The following FUCA1 variants were observed in gnomAD, a reference collection of about 807,000 sequenced individuals.
FUCA1 encodes tissue alpha-L-fucosidase.
In FUCA1, 52 loss-of-function variants were observed where a neutral mutation model predicts 56.8. That is an observed-to-expected ratio of 0.92 (90% CI 0.73 to 1.15). The LOEUF is 1.15. Among genes scored for constraint, FUCA1 ranks in the 50% most tolerant of loss-of-function variants. The pLI is 0.00. For synonymous variants in FUCA1, 230 were observed against 226.6 expected (o/e 1.02, Z -0.14); for missense variants, 568 against 592.6 (o/e 0.96, Z 0.43).
chr1:23,845,947 C>T (rs1639130345), intron 7 of FUCA1, 92 bp from the exon 8 acceptor site: 7 of 1,559,080 alleles, frequency 4.5e-6, no homozygotes, highest in African/African-American at 1.4e-5. Flanking sequence ...CCACGCTGGG[C>T]CAGGGCAGGA....
At position 23,868,190 on chromosome 1, in the gene FUCA1, GCTGGGC is replaced by G; in HGVS notation, c.91_96del (p.Ala31_Gln32del). Reference sequence around the variant, plus strand: ...CAGTCTGGGGTGTAGCGGCGCGGAGGCTGGGCCCGACGCACCGACTCGGCCGCTCCG... The same window carrying G: ...CAGTCTGGGGTGTAGCGGCGCGGAGGCCGACGCACCGACTCGGCCGCTCCG... On this transcript the variant is annotated inframe_deletion, in exon 1 of 8. Coordinates refer to ENST00000374479, the MANE Select transcript of FUCA1 (RefSeq NM_000147.5). 1 of 1,602,252 alleles carries G rather than the reference GCTGGGC, an allele frequency of 6.2e-7. No homozygotes were observed.
chr1:23,860,399 C>T (rs887656961), intron 3 of FUCA1, among the ~76,000 whole-genome samples: 7 of 151,808 alleles, frequency 4.6e-5, no homozygotes, highest in East Asian at 3.9e-4. Flanking sequence ...CTGGGTAACA[C>T]GGTGAAACCC....
rs1327763535 is a variant in FUCA1 at position 23,867,009 on chromosome 1, G to A, written c.389+889C>T. ...CAAAGTTCAAGAGAAACGAAAACCC[G>A]GAAGATGGCTGAGGAACCAAGGTAA... On this transcript the variant is annotated intron_variant, in intron 1 of 7. Coordinates refer to ENST00000374479, the MANE Select transcript of FUCA1 (RefSeq NM_000147.5). The surrounding 1 kb of genome is among the most constrained non-coding windows in gnomAD (Gnocchi z 4.9). Among the ~76,000 whole-genome samples the A allele has an allele frequency of 2.6e-5, 4 of 152,104 alleles. No individual in the cohort carries two copies. The highest frequency in any genetic ancestry group is 4.8e-5 in the African/African-American group (2 of 41,436).
At chr1:23,851,550 T>C (rs1639259351) in intron 5 of FUCA1, among the ~76,000 whole-genome samples, 1 of 150,806 alleles carries the variant, frequency 6.6e-6, no homozygotes, top group Non-Finnish European at 1.5e-5. Context: ...TGCACTTCTA[T>C]CCAGAGTACT....
chr1:23,845,537 G>T lies in FUCA1; in HGVS notation c.*178C>A. 1.4e-6 allele frequency: 1 copy of T among 700,368 alleles called. No individual in the cohort carries two copies. Among genetic ancestry groups the T allele is most frequent in the East Asian group, 2.6e-5 (1 of 38,018 alleles). The allele number at this position is 700,368 out of a possible 1,614,324, so 43.4% of individuals were successfully genotyped here. A position where few individuals can be genotyped will look rare whatever the true frequency, so the allele number is the denominator to read the frequency against. On this transcript the variant is annotated 3_prime_UTR_variant, in exon 8 of 8. Coordinates refer to ENST00000374479, the MANE Select transcript of FUCA1 (RefSeq NM_000147.5). ...ACAGATATAATCACAATGGATCTCAGATCTTTGGTCCATTTAGACATCAGG... is the reference window on the plus strand; with the variant it reads ...ACAGATATAATCACAATGGATCTCATATCTTTGGTCCATTTAGACATCAGG...
chr1:23,850,452 T>C (rs1639232260), intron 5 of FUCA1, among the ~76,000 whole-genome samples: 1 of 151,870 alleles, frequency 6.6e-6, no homozygotes. Flanking sequence ...GTTGTAATAA[T>C]ATGTAACTTA....
chr1:23,853,036 C>T (rs1479572292), intron 5 of FUCA1, among the ~76,000 whole-genome samples: 9 of 145,336 alleles, frequency 6.2e-5, no homozygotes, highest in East Asian at 2.1e-4. Context: ...GTGAGGAGCA[C>T]CTCTTCCCGG....
chr1:23,865,798 T>C (rs570997789), intron 1 of FUCA1, among the ~76,000 whole-genome samples, 173 bp from the exon 2 acceptor site: 8 of 152,258 alleles, frequency 5.3e-5, no homozygotes, highest in Non-Finnish European at 8.8e-5. Flanking sequence ...CAATTCCCCT[T>C]GGGCATTGCT....
intron 4 of FUCA1, among the ~76,000 whole-genome samples, chr1:23,859,341 C>T (rs897036889): frequency 3.9e-5 from 6 of 151,946 alleles, no homozygotes; most frequent in African/African-American, 1.5e-4. Context: ...CCAAGGTGAG[C>T]GGATCACCAG....
chr1:23,847,182 T>C (rs1443021858), intron 6 of FUCA1, among the ~76,000 whole-genome samples: 3 of 152,200 alleles, frequency 2.0e-5, no homozygotes, highest in African/African-American at 7.2e-5. Context: ...TTGGGTTAAG[T>C]TGTCTTTAAA....
chr1:23,854,951 G>A (rs937261452), intron 4 of FUCA1, among the ~76,000 whole-genome samples: 2 of 152,140 alleles, frequency 1.3e-5, no homozygotes, highest in Admixed American at 6.5e-5. Flanking sequence ...TATAAGAGGA[G>A]AAATGAACAG....
At chr1:23,855,568 G>T (rs772412892) in intron 4 of FUCA1, among the ~76,000 whole-genome samples, 7 of 152,200 alleles carry the variant, frequency 4.6e-5, no homozygotes, top group Non-Finnish European at 1.0e-4. Flanking sequence ...TTTATTAAAA[G>T]TTTAAAATTC....
Position 23,854,416 on chromosome 1 carries a change from C to T in FUCA1, c.913G>A (p.Gly305Ser), listed in dbSNP as rs771601927. The T allele has an allele frequency of 1.2e-6, 2 of 1,614,098 alleles. No homozygotes were observed. Among genetic ancestry groups the T allele is most frequent in the Non-Finnish European group, 8.5e-7 (1 of 1,180,012 alleles). The change falls in exon 5 of 8, where the codon GGC becomes AGC. Residue 305 changes from glycine to serine, a missense_variant. Physicochemically the swap from Gly to Ser is moderately conservative, Grantham distance 56. Coordinates refer to ENST00000374479, the MANE Select transcript of FUCA1 (RefSeq NM_000147.5). ...MCTSIDKFSW[G>S]YRRDMALSDV... is the part of the protein sequence containing the mutation. Reference sequence around the variant, plus strand: ...GACAATGCCATGTCACGACGATAGCCCCAGGAAAACTTGTCAATGCTGGTG... The same window carrying T: ...GACAATGCCATGTCACGACGATAGCTCCAGGAAAACTTGTCAATGCTGGTG...
chr1:23,845,905 A>G (rs1213669791), intron 7 of FUCA1, 50 bp from the exon 8 acceptor site: 1 of 1,609,954 alleles, frequency 6.2e-7, no homozygotes, highest in Non-Finnish European at 8.5e-7. Context: ...ACTAATGAGT[A>G]TAGAATACAG....
At position 23,860,078 on chromosome 1, in the gene FUCA1, C is replaced by T. The variant is rs1027545507; in HGVS notation, c.663-175G>A. On this transcript the variant is annotated intron_variant, in intron 3 of 7. Coordinates refer to ENST00000374479, the MANE Select transcript of FUCA1 (RefSeq NM_000147.5). The stretch of plus-strand genomic sequence containing the variant: ...ATAGTCTCGAATTCCTGGGCTCAAG[C>T]GATCCTCTTGCCTAAGCCTCCTGAG... Among the ~76,000 whole-genome samples, 3 of 152,110 alleles carry T rather than the reference C, an allele frequency of 2.0e-5. No individual in the cohort carries two copies. The East Asian group carries it at 5.8e-4, about 29-fold the overall frequency.
At chr1:23,849,618 T>G (rs979767185) in intron 5 of FUCA1, among the ~76,000 whole-genome samples, 3 of 143,610 alleles carry the variant, frequency 2.1e-5, no homozygotes, top group Non-Finnish European at 4.5e-5. Context: ...ACTCTTGCTC[T>G]GTCTCCCAGG....
chr1:23,856,363 C>G (rs941841169), intron 4 of FUCA1, among the ~76,000 whole-genome samples: 2 of 152,120 alleles, frequency 1.3e-5, no homozygotes, highest in African/African-American at 4.8e-5. Flanking sequence ...TCCTTCATCC[C>G]ACAGAAGCTA....
intron 3 of FUCA1, among the ~76,000 whole-genome samples, chr1:23,860,758 C>G (rs931393782): frequency 6.6e-6 from 1 of 151,404 alleles, no homozygotes; most frequent in African/African-American, 2.4e-5. Context: ...TGCACTTCAG[C>G]CACCCAAGTA....
rs114076840 is a variant in FUCA1, at chr1:23,866,138, C to T, written c.390-513G>A. 7.0e-3 allele frequency among the ~76,000 whole-genome samples: 1,071 copies of T among 152,220 alleles called. 22 individuals are homozygous for T. Among genetic ancestry groups the T allele is most frequent in the African/African-American group, 0.024 (1,002 of 41,516 alleles). ...ACCAACCTGGCCAATGAGGCGAAAACCCATCTCAACTAAAAATACAAAAAT... is the reference window on the plus strand; with the variant it reads ...ACCAACCTGGCCAATGAGGCGAAAATCCATCTCAACTAAAAATACAAAAAT... On this transcript the variant is annotated intron_variant, in intron 1 of 7. Coordinates refer to ENST00000374479, the MANE Select transcript of FUCA1 (RefSeq NM_000147.5).
Sources: gnomAD v4.1 joint callset for allele counts (sites outside exome capture counted in the v4.1 genomes callset) on GRCh38, gnomAD v4.1.1 for gene constraint, Gnocchi (gnomAD v3.1) non-coding constraint, MANE v1.5 for transcripts, NCBI Gene and HGNC (gene_info 2026-07-23, HGNC 2026-07-21) for gene names.